NR1H4: variants seen among roughly 807,000 people sequenced by gnomAD.
The protein encoded by NR1H4 is bile acid receptor.
A neutral mutation model predicts 58.5 loss-of-function variants in NR1H4; 23 were observed. That is an observed-to-expected ratio of 0.39 (90% CI 0.28 to 0.56). The LOEUF is 0.56. Among genes scored for constraint, NR1H4 ranks in the 20% least tolerant of loss-of-function variants. NR1H4 has a pLI of 0.58. For synonymous variants in NR1H4, 214 were observed against 198.0 expected, an observed-to-expected ratio of 1.08 and a Z score of -0.68; for missense variants, 487 against 576.9, an observed-to-expected ratio of 0.84 and a Z score of 1.60.
At chr12:100,551,750 C>T (rs1438607956) in intron 9 of NR1H4, among the ~76,000 whole-genome samples, 2 of 152,090 alleles carry the variant, frequency 1.3e-5, no homozygotes, top group Non-Finnish European at 2.9e-5. Flanking sequence ...GTCAAGTCGC[C>T]CCTTGGTATC....
At chr12:100,508,339 A>G (rs1954018842) in intron 3 of NR1H4, among the ~76,000 whole-genome samples, 1 of 152,122 alleles carries the variant, frequency 6.6e-6, no homozygotes, top group Non-Finnish European at 1.5e-5. Context: ...AAAGAAAGCA[A>G]GGGTAGAGTC....
intron 3 of NR1H4, among the ~76,000 whole-genome samples, chr12:100,497,206 T>C (rs1008775622): frequency 6.6e-6 from 1 of 152,110 alleles, no homozygotes; most frequent in Non-Finnish European, 1.5e-5. Context: ...TCGGCTCCCG[T>C]TGGTTGAGCG....
chr12:100,557,959 G>GTTTTA (rs1955368330), intron 9 of NR1H4, among the ~76,000 whole-genome samples: 1 of 152,030 alleles, frequency 6.6e-6, no homozygotes, highest in Non-Finnish European at 1.5e-5. Context: ...GTTTTGTTTT[G>GTTTTA]TTTTTCTGTC....
chr12:100,524,777 G>GC (rs1203987045), intron 4 of NR1H4, among the ~76,000 whole-genome samples: 7 of 152,070 alleles, frequency 4.6e-5, no homozygotes, highest in Non-Finnish European at 1.0e-4. Flanking sequence ...GTATTTTATT[G>GC]TTTCTTTCTT....
chr12:100,512,590 G>A (rs970244653), intron 4 of NR1H4, among the ~76,000 whole-genome samples: 1 of 151,204 alleles, frequency 6.6e-6, no homozygotes, highest in African/African-American at 2.4e-5. Flanking sequence ...GCAGTGAGCC[G>A]AGATCACGCC....
At chr12:100,547,076 G>T (rs961811265) in intron 9 of NR1H4, among the ~76,000 whole-genome samples, 8 of 152,092 alleles carry the variant, frequency 5.3e-5, no homozygotes, top group Non-Finnish European at 1.0e-4. Flanking sequence ...ATGGAAAATT[G>T]TCTTGTACCT....
chr12:100,511,470 T>A (rs1254224825), intron 4 of NR1H4, among the ~76,000 whole-genome samples: 2 of 152,184 alleles, frequency 1.3e-5, no homozygotes, highest in Non-Finnish European at 1.5e-5. Context: ...GTTGTTTTTT[T>A]AAAAAAGAAA....
In NR1H4 at chr12:100,511,020, G is replaced by A; in HGVS notation, c.322G>A (p.Val108Ile). ...QGETEVAEMP[V>I]TKKPRMGASA... is the part of the protein sequence containing the mutation. ...AGAAACTGAGGTAGCAGAGATGCCTGTAACAAAGAAGCCCCGCATGGGCGC... is the reference window on the plus strand; with the variant it reads ...AGAAACTGAGGTAGCAGAGATGCCTATAACAAAGAAGCCCCGCATGGGCGC... The change falls in exon 4 of 11, where the codon GTA becomes ATA. Residue 108 changes from valine to isoleucine, a missense_variant. Transcript: ENST00000392986. 6.2e-7 allele frequency: 1 copy of A among 1,614,236 alleles called. No homozygotes were observed. Among genetic ancestry groups the A allele is most frequent in the Non-Finnish European group, 8.5e-7 (1 of 1,180,048 alleles).
Position 100,562,130 on chromosome 12 carries a change from A to C in NR1H4, c.1192+132A>C, listed in dbSNP as rs552492341. The C allele has an allele frequency of 8.0e-6, 5 of 622,782 alleles. No homozygotes were observed. The East Asian group carries it at 1.4e-4, about 17-fold the overall frequency. The allele number at this position is 622,782 out of a possible 1,614,324, so 38.6% of individuals were successfully genotyped here. A position where few individuals can be genotyped will look rare whatever the true frequency, so the allele number is the denominator to read the frequency against. ...AAGTAGCCTATAATTCTGCTATCCA[A>C]ATAGAACCATTATTAACCTTTCAGT... On this transcript the variant is annotated intron_variant, in intron 10 of 10. Coordinates refer to ENST00000392986, the MANE Select transcript of NR1H4 (RefSeq NM_001206979.2).
chr12:100,485,785 C>T (rs1156708345), intron 1 of NR1H4, among the ~76,000 whole-genome samples: 4 of 152,212 alleles, frequency 2.6e-5, no homozygotes, highest in South Asian at 2.1e-4. Context: ...CTGCCCACCT[C>T]GGCCTCCCAA....
chr12:100,535,809 C>T (rs1290976648), intron 6 of NR1H4, among the ~76,000 whole-genome samples: 1 of 152,158 alleles, frequency 6.6e-6, no homozygotes, highest in Admixed American at 6.5e-5. Context: ...TAATTATTCA[C>T]ACTCTTCAAA....
At chr12:100,557,060 AT>A (rs1955345287) in intron 9 of NR1H4, among the ~76,000 whole-genome samples, 1 of 152,136 alleles carries the variant, frequency 6.6e-6, no homozygotes, top group African/African-American at 2.4e-5. Context: ...CAGGAGGTAC[AT>A]GTGCAGGTTT....
intron 9 of NR1H4, among the ~76,000 whole-genome samples, chr12:100,543,743 C>T (rs1593118717): frequency 6.6e-6 from 1 of 152,062 alleles, no homozygotes; most frequent in East Asian, 1.9e-4. Flanking sequence ...GATTTTAAAG[C>T]CATAATCAAT....
At chr12:100,516,655 C>T (rs1249266304) in intron 4 of NR1H4, among the ~76,000 whole-genome samples, 2 of 152,022 alleles carry the variant, frequency 1.3e-5, no homozygotes, top group Non-Finnish European at 2.9e-5. Context: ...CGTGAGCCAC[C>T]GTGCCCGGCC....
At position 100,484,009 on chromosome 12, in the gene NR1H4, T is replaced by A. The variant is rs114884967; in HGVS notation, c.-189-8494T>A. ...AGAAAAAAAAAAAAAAAAAAAAGAA[T>A]GTATTTCCAGCCTTTGGGCAGAATC... On this transcript the variant is annotated intron_variant, in intron 1 of 10. Transcript: ENST00000392986. Among the ~76,000 whole-genome samples the A allele has an allele frequency of 7.2e-3, 1,022 of 141,676 alleles. 12 individuals are homozygous for A. The highest frequency in any genetic ancestry group is 0.026 in the African/African-American group (962 of 37,002). The allele number at this position is 141,676 out of a possible 152,430, so 92.9% of individuals were successfully genotyped here.
chr12:100,521,563 C>T (rs373610513), intron 4 of NR1H4, among the ~76,000 whole-genome samples: 18 of 152,242 alleles, frequency 1.2e-4, no homozygotes, highest in East Asian at 1.2e-3. Context: ...TTCACACATC[C>T]GAGAATGGTA....
At chr12:100,501,043 A>T (rs1277281017) in intron 3 of NR1H4, among the ~76,000 whole-genome samples, 1 of 151,962 alleles carries the variant, frequency 6.6e-6, no homozygotes, top group African/African-American at 2.4e-5. Context: ...ATTCAAAGGG[A>T]TCCAATCAGT....
intron 1 of NR1H4, among the ~76,000 whole-genome samples, 174 bp downstream of exon 1, chr12:100,474,233 A>G (rs537872593): frequency 6.6e-6 from 1 of 152,370 alleles, no homozygotes; most frequent in Non-Finnish European, 1.5e-5. Flanking sequence ...TAAAAAACAA[A>G]AAGAAGCAGA....
At chr12:100,545,124 T>C (rs1218502294) in intron 9 of NR1H4, among the ~76,000 whole-genome samples, 5 of 152,056 alleles carry the variant, frequency 3.3e-5, no homozygotes, top group African/African-American at 1.2e-4. Context: ...ATGCTCAGCT[T>C]CCTTTAAAAA....
Sources: gnomAD v4.1 joint callset for allele counts (sites outside exome capture counted in the v4.1 genomes callset) on GRCh38, gnomAD v4.1.1 for gene constraint, MANE v1.5 for transcripts, NCBI Gene and HGNC (gene_info 2026-07-23, HGNC 2026-07-21) for gene names.